Variants in ARHGAP15 observed in about 807,000 individuals in gnomAD.
ARHGAP15 encodes the protein rho GTPase-activating protein 15.
In ARHGAP15, 51 loss-of-function variants were observed where a neutral mutation model predicts 63.7. That is an observed-to-expected ratio of 0.80 (90% CI 0.64 to 1.01). The LOEUF is 1.01. Among genes scored for constraint, ARHGAP15 ranks in the 50% least tolerant of loss-of-function variants. The pLI is 0.00. For missense variants in ARHGAP15, 560 were observed against 564.6 expected (o/e 0.99, Z 0.08); for synonymous variants, 191 against 193.8 (o/e 0.99, Z 0.12).
intron 6 of ARHGAP15, among the ~76,000 whole-genome samples, chr2:143,433,167 T>G (rs1689463899): frequency 6.6e-6 from 1 of 151,994 alleles, no homozygotes; most frequent in African/African-American, 2.4e-5. Flanking sequence ...TTATCAGAAA[T>G]CCTAAAGAGG....
chr2:143,726,688 G>A (rs1023848695), intron 13 of ARHGAP15, among the ~76,000 whole-genome samples: 14 of 152,158 alleles, frequency 9.2e-5, no homozygotes, highest in South Asian at 2.1e-4. Context: ...AGCTCTGGAC[G>A]GCACATGTTC....
At chr2:143,426,728 A>C (rs1689151933) in intron 6 of ARHGAP15, among the ~76,000 whole-genome samples, 1 of 152,164 alleles carries the variant, frequency 6.6e-6, no homozygotes, top group African/African-American at 2.4e-5. Flanking sequence ...CCAAGATCAC[A>C]GAGAATCTAT....
chr2:143,473,966 TCTC>T (rs1691697184), intron 8 of ARHGAP15, among the ~76,000 whole-genome samples: 1 of 152,084 alleles, frequency 6.6e-6, no homozygotes, highest in South Asian at 2.1e-4. Context: ...AAGACCGAAA[TCTC>T]AGCCCGTTCA....
chr2:143,373,677 G>A (rs1686677106), intron 6 of ARHGAP15, among the ~76,000 whole-genome samples: 2 of 133,780 alleles, frequency 1.5e-5, no homozygotes, highest in Non-Finnish European at 3.2e-5. Context: ...AATGTCTCAA[G>A]CAATATGGAA....
intron 6 of ARHGAP15, among the ~76,000 whole-genome samples, chr2:143,273,690 AT>A (rs1319219675): frequency 2.0e-5 from 3 of 152,138 alleles, no homozygotes; most frequent in African/African-American, 4.8e-5. Context: ...TATTTGTACA[AT>A]TTTTTAATTT....
intron 6 of ARHGAP15, among the ~76,000 whole-genome samples, chr2:143,254,683 C>T (rs7566034): frequency 0.17 from 25,872 of 151,962 alleles, 2,380 homozygotes; most frequent in Middle Eastern, 0.25. Flanking sequence ...ACTTAAATAT[C>T]CTTTACTTAA....
intron 9 of ARHGAP15, among the ~76,000 whole-genome samples, chr2:143,496,659 C>A (rs1012745044): frequency 4.6e-5 from 7 of 152,140 alleles, no homozygotes; most frequent in Admixed American, 2.6e-4. Flanking sequence ...CTTTTAGTTC[C>A]TTTAAATTAC....
intron 6 of ARHGAP15, among the ~76,000 whole-genome samples, chr2:143,298,079 C>G (rs184286902): frequency 6.6e-6 from 1 of 152,070 alleles, no homozygotes; most frequent in African/African-American, 2.4e-5. Context: ...GAACCTCTTA[C>G]TCATCTTTTT....
At chr2:143,303,211 C>G (rs1340125078) in intron 6 of ARHGAP15, among the ~76,000 whole-genome samples, 1 of 151,886 alleles carries the variant, frequency 6.6e-6, no homozygotes, top group Non-Finnish European at 1.5e-5. Flanking sequence ...AAATTATCAT[C>G]CAAGTGAACA....
chr2:143,260,639 A>T (rs1418872568), intron 6 of ARHGAP15, among the ~76,000 whole-genome samples: 1 of 152,196 alleles, frequency 6.6e-6, no homozygotes, highest in African/African-American at 2.4e-5. Flanking sequence ...CCTTTACAAG[A>T]AAATGTGGAA....
At chr2:143,661,354 A>G (rs1681761757) in intron 12 of ARHGAP15, among the ~76,000 whole-genome samples, 1 of 152,200 alleles carries the variant, frequency 6.6e-6, no homozygotes, top group African/African-American at 2.4e-5. Context: ...TCGATATAAC[A>G]TTGCTTACAT....
At chr2:143,176,198 C>T (rs149989432) in intron 2 of ARHGAP15, among the ~76,000 whole-genome samples, 11 of 152,034 alleles carry the variant, frequency 7.2e-5, no homozygotes, top group African/African-American at 2.4e-4. Flanking sequence ...TAAGGATTTA[C>T]AAAAATTATT....
At chr2:143,208,413 T>C (rs1692434377) in intron 3 of ARHGAP15, among the ~76,000 whole-genome samples, 2 of 152,202 alleles carry the variant, frequency 1.3e-5, no homozygotes, top group African/African-American at 2.4e-5. Context: ...AATGTTCCTT[T>C]TAAGAAAATA....
At chr2:143,713,354 G>A (rs1396648790) in intron 13 of ARHGAP15, among the ~76,000 whole-genome samples, 2 of 152,116 alleles carry the variant, frequency 1.3e-5, no homozygotes, top group Non-Finnish European at 2.9e-5. Flanking sequence ...GGAATGACCA[G>A]CCCCCATGAT....
chr2:143,528,798 GA>G (rs1694400169), intron 10 of ARHGAP15, among the ~76,000 whole-genome samples: 1 of 152,056 alleles, frequency 6.6e-6, no homozygotes, highest in Admixed American at 6.6e-5. Flanking sequence ...ACAACAGTGA[GA>G]TTTTTTTCTT....
rs772959178 is a variant in ARHGAP15, at chr2:143,768,087, T to C, written c.1343T>C (p.Met448Thr). Residue 448 changes from methionine to threonine, a missense_variant, in exon 14 of 14, where the codon ATG (methionine) becomes ACG (threonine). Coordinates refer to ENST00000295095, the MANE Select transcript of ARHGAP15 (RefSeq NM_018460.4). ...LLRAENETGN[M>T]AIHMVYQNQI... ...CGAGCTGAAAATGAAACAGGAAACA[T>C]GGCGATCCACATGGTCTACCAGAAC... 2.5e-6 allele frequency: 4 copies of C among 1,613,804 alleles called. No homozygotes were observed. The highest frequency in any genetic ancestry group is 1.1e-5 in the South Asian group (1 of 91,078).
chr2:143,435,695 G>A lies in ARHGAP15; in HGVS notation c.569G>A (p.Arg190Lys), dbSNP rs867246217. 50 of 1,600,146 alleles carry A rather than the reference G, an allele frequency of 3.1e-5. No individual in the cohort carries two copies. The highest frequency in any genetic ancestry group is 4.1e-5 in the Non-Finnish European group (48 of 1,176,126). The part of the protein sequence containing the change: ...WFHAIKNAID[R>K]LPKDSSCPSR... The stretch of plus-strand genomic sequence containing the variant: ...CACGCTATCAAAAATGCAATTGACA[G>A]ATTGGTATGTATTTGTTTTGGCTGT... The change falls in exon 7 of 14, where the codon AGA becomes AAA. Residue 190 changes from arginine (R) to lysine (K), a missense_variant. Transcript: ENST00000295095.
chr2:143,751,494 C>A (rs1395185172), intron 13 of ARHGAP15, among the ~76,000 whole-genome samples: 1 of 152,158 alleles, frequency 6.6e-6, no homozygotes, highest in Non-Finnish European at 1.5e-5. Flanking sequence ...ATTTGAGAAG[C>A]AGCTCCCCCA....
intron 13 of ARHGAP15, among the ~76,000 whole-genome samples, chr2:143,718,708 C>T (rs567265498): frequency 5.9e-5 from 9 of 152,286 alleles, no homozygotes; most frequent in East Asian, 1.9e-4. Context: ...TCTGCAGATT[C>T]TTTCTCTTGT....
Sources: gnomAD v4.1 joint callset for allele counts (sites outside exome capture counted in the v4.1 genomes callset) on GRCh38, gnomAD v4.1.1 for gene constraint, MANE v1.5 for transcripts, NCBI Gene and HGNC (gene_info 2026-07-23, HGNC 2026-07-21) for gene names.